Variants in POLR2C observed in about 807,000 individuals in gnomAD.
The protein encoded by POLR2C is DNA-directed RNA polymerase II subunit RPB3.
A neutral mutation model predicts 41.7 loss-of-function variants in POLR2C; 36 were observed. The observed-to-expected ratio is 0.86, with a 90% confidence interval of 0.66 to 1.14. The LOEUF is 1.14. POLR2C is among the 50% of genes most tolerant of loss of function. The probability of loss-of-function intolerance (pLI) is 0.00; values close to 1 mark genes in which losing one functional copy is unlikely to be tolerated. For missense variants in POLR2C, 260 were observed against 350.4 expected (o/e 0.74, Z 2.06); for synonymous variants, 133 against 137.8 (o/e 0.96, Z 0.25).
At chr16:57,463,503 T>A (rs2030631779) in intron 2 of POLR2C, 4 of 372,430 alleles carry the variant, frequency 1.1e-5, no homozygotes, top group South Asian at 2.0e-5. Flanking sequence ...GTGAGCATAG[T>A]ACGCAATAGG....
In POLR2C at chr16:57,471,735, T is replaced by TGGTGGGGG. The variant is rs1555515560; in HGVS notation, c.*617_*624dup. 2 of 100,324 alleles carry TGGTGGGGG rather than the reference T, an allele frequency of 2.0e-5. No individual in the cohort carries two copies. Among genetic ancestry groups the TGGTGGGGG allele is most frequent in the East Asian group, 6.2e-4 (2 of 3,244 alleles). 6.2% of individuals were successfully genotyped at this position (100,324 alleles called of 1,614,324 possible). A position where few individuals can be genotyped will look rare whatever the true frequency, so the allele number is the denominator to read the frequency against. On this transcript the variant is annotated 3_prime_UTR_variant, in exon 9 of 9. Coordinates refer to ENST00000219252, the MANE Select transcript of POLR2C (RefSeq NM_032940.3). ...CCTCCAATGACCTGATCATTTAGTT[T>TGGTGGGGG]GGTGGGGGTGGGGGTGGGGGTGGGG... is the stretch of plus-strand genomic sequence containing the variant.
Position 57,469,962 on chromosome 16 carries a change from C to G in POLR2C, c.441C>G (p.Asp147Glu), listed in dbSNP as rs777940528. The G allele has an allele frequency of 6.2e-7, 1 of 1,613,292 alleles. No individual in the cohort carries two copies. The highest frequency in any genetic ancestry group is 8.5e-7 in the Non-Finnish European group (1 of 1,179,702). Residue 147 changes from aspartate to glutamate, a missense_variant and splice_region_variant, in exon 7 of 9, where the codon GAC becomes GAG. Coordinates refer to ENST00000219252, the MANE Select transcript of POLR2C (RefSeq NM_032940.3). This position sits in a 1 kb window ranked among gnomAD's most constrained non-coding sequence, Gnocchi z 5.8. ...NDPNDYVEQDDILIVKLRKGQ... is the reference protein window; with the variant it reads ...NDPNDYVEQDEILIVKLRKGQ... ...ACTGACTTGTGCCTCTCCCTGCAGACATCCTCATCGTCAAGTTGAGAAAGG... is the reference window on the plus strand; with the variant it reads ...ACTGACTTGTGCCTCTCCCTGCAGAGATCCTCATCGTCAAGTTGAGAAAGG...
In POLR2C at chr16:57,471,502, G is replaced by A. The variant is rs748735227; in HGVS notation, c.*383G>A. On this transcript the variant is annotated 3_prime_UTR_variant, in exon 9 of 9. Transcript: ENST00000219252. ...TTCAGTTGTACCTTAGATGTCTGGT[G>A]TTGAGGATCAAGTGCCATAGCCTTT... The A allele has an allele frequency of 1.3e-4, 22 of 173,506 alleles. No homozygotes were observed. The highest frequency in any genetic ancestry group is 1.8e-4 in the Non-Finnish European group (15 of 81,292). The allele number at this position is 173,506 out of a possible 1,614,324, so 10.7% of individuals were successfully genotyped here. A position where few individuals can be genotyped will look rare whatever the true frequency, so the allele number is the denominator to read the frequency against.
chr16:57,469,689 T>A lies in POLR2C; in HGVS notation c.388-21T>A. 6.2e-7 allele frequency: 1 copy of A among 1,605,828 alleles called. No homozygotes were observed. Among genetic ancestry groups the A allele is most frequent in the Non-Finnish European group, 8.5e-7 (1 of 1,174,344 alleles). ...ACTGGGGAGGTGAGCAGCTAATGAA[T>A]GCCTGGTGGACTCCCTACAGGTGAC... On this transcript the variant is annotated intron_variant, in intron 5 of 8. Transcript: ENST00000219252. The surrounding 1 kb of genome is among the most constrained non-coding windows in gnomAD (Gnocchi z 5.8).
intron 7 of POLR2C, 56 bp from the exon 8 acceptor site, chr16:57,470,224 T>C: frequency 6.3e-7 from 1 of 1,598,516 alleles, no homozygotes; most frequent in East Asian, 2.2e-5. Flanking sequence ...CTCTAGGAAC[T>C]TGGGTGCCCC....
chr16:57,466,340 A>G (rs557468857), intron 4 of POLR2C, 113 bp downstream of exon 4: 9 of 738,360 alleles, frequency 1.2e-5, no homozygotes, highest in East Asian at 5.0e-5. Context: ...TTCTGGAACA[A>G]CAACGTGGAG....
chr16:57,470,546 A>T, intron 8 of POLR2C, 192 bp downstream of exon 8: 1 of 575,810 alleles, frequency 1.7e-6, no homozygotes, highest in Admixed American at 3.3e-5. Context: ...TTGGTCACTG[A>T]CAAAGAGGAC....
Position 57,469,216 on chromosome 16 carries a change from G to A in POLR2C, c.310G>A (p.Asp104Asn), listed in dbSNP as rs372880687. ...CGAGTGCTCGGTGGAGTTCACCCTC[G>A]ATGTGCGGTGCAATGAAGACCAGAC... The part of the protein sequence containing the change: ...CPECSVEFTL[D>N]VRCNEDQTRH... The change falls in exon 5 of 9, where the codon GAT (aspartate) becomes AAT (asparagine). Residue 104 changes from aspartate (D) to asparagine (N), a missense_variant. By Grantham distance (23) the Asp-to-Asn change is conservative. Coordinates refer to ENST00000219252, the MANE Select transcript of POLR2C (RefSeq NM_032940.3). This position sits in a 1 kb window ranked among gnomAD's most constrained non-coding sequence, Gnocchi z 5.8. 11 of 1,613,986 alleles carry A rather than the reference G, an allele frequency of 6.8e-6. No individual in the cohort carries two copies. The highest frequency in any genetic ancestry group is 4.0e-5 in the African/African-American group (3 of 74,912).
At chr16:57,464,548 G>A (rs1371896405) in intron 2 of POLR2C, among the ~76,000 whole-genome samples, 2 of 152,168 alleles carry the variant, frequency 1.3e-5, no homozygotes, top group African/African-American at 4.8e-5. Context: ...TTTGGATTAG[G>A]CAAAATAAAT....
intron 2 of POLR2C, among the ~76,000 whole-genome samples, chr16:57,464,274 G>A (rs2030651754): frequency 1.3e-5 from 2 of 152,218 alleles, no homozygotes; most frequent in South Asian, 4.1e-4. Flanking sequence ...TAAGCTCTGG[G>A]AATGCAAAGC....
In POLR2C at chr16:57,470,236, A is replaced by T. The variant is rs763944969; in HGVS notation, c.609-44A>T. 3 of 1,599,938 alleles carry T rather than the reference A, an allele frequency of 1.9e-6. No homozygotes were observed. The South Asian group carries it at 3.3e-5, about 18-fold the overall frequency. ...GCTCTCTAGGAACTTGGGTGCCCCAAAAGGAGCAGTGGCAACCTTGTGCTG... is the reference window on the plus strand; with the variant it reads ...GCTCTCTAGGAACTTGGGTGCCCCATAAGGAGCAGTGGCAACCTTGTGCTG... On this transcript the variant is annotated intron_variant, in intron 7 of 8. Transcript: ENST00000219252.
In POLR2C at chr16:57,469,468, C is replaced by A; in HGVS notation, c.387+175C>A. ...GATTCCTCTTGGGCATCGTTAGCAT[C>A]GTTGGTGCTGCGCACCCTCTATCAC... On this transcript the variant is annotated intron_variant, in intron 5 of 8. Transcript: ENST00000219252. The surrounding 1 kb of genome is among the most constrained non-coding windows in gnomAD (Gnocchi z 5.8). 1.3e-6 allele frequency: 1 copy of A among 779,836 alleles called. No individual in the cohort carries two copies. The highest frequency in any genetic ancestry group is 2.2e-6 in the Non-Finnish European group (1 of 461,790). 48.3% of individuals were successfully genotyped at this position (779,836 alleles called of 1,614,324 possible).
In POLR2C at chr16:57,466,032, C is replaced by T. The variant is rs1555515205; in HGVS notation, c.205+11C>T. ...TTGCTCACAGGCTTGGTGAGTACTC[C>T]TTTTACTAGGAGGTTAAAGGGAGGG... On this transcript the variant is annotated intron_variant, in intron 3 of 8. Transcript: ENST00000219252. 2.6e-6 allele frequency: 4 copies of T among 1,559,378 alleles called. No individual in the cohort carries two copies. The highest frequency in any genetic ancestry group is 1.7e-4 in the Middle Eastern group (1 of 5,972).
At chr16:57,468,998 G>T (rs1425684712) in intron 4 of POLR2C, among the ~76,000 whole-genome samples, 167 bp from the exon 5 acceptor site, 1 of 152,196 alleles carries the variant, frequency 6.6e-6, no homozygotes, top group African/African-American at 2.4e-5. Context: ...CATGAGAATG[G>T]TATACCAGAT....
In POLR2C at chr16:57,469,889, T is replaced by C. The variant is rs1473215993; in HGVS notation, c.440-72T>C. ...TTTCCAGATGTGTGTGGTCTTGCAG[T>C]GGCACTCCAAGTCAGAATTTGGAGA... On this transcript the variant is annotated intron_variant, in intron 6 of 8. Coordinates refer to ENST00000219252, the MANE Select transcript of POLR2C (RefSeq NM_032940.3). The surrounding 1 kb of genome is among the most constrained non-coding windows in gnomAD (Gnocchi z 5.8). 2 of 1,592,460 alleles carry C rather than the reference T, an allele frequency of 1.3e-6. No homozygotes were observed. The highest frequency in any genetic ancestry group is 2.7e-5 in the African/African-American group (2 of 74,148).
At chr16:57,470,914 GGCCAGA>G (rs540453606) in intron 8 of POLR2C, 55 bp from the exon 9 acceptor site, 519 of 1,564,168 alleles carry the variant, frequency 3.3e-4, no homozygotes, top group Admixed American at 1.0e-3. Context: ...GGTTGTCCAT[GGCCAGA>G]GCTCGGGTCG....
rs1312823945 is a variant in POLR2C, at chr16:57,469,629, C to T, written c.388-81C>T. The T allele has an allele frequency of 8.4e-6, 10 of 1,184,922 alleles. No homozygotes were observed. In the East Asian group the frequency reaches 2.3e-4, roughly 28 times the overall value. 73.4% of individuals were successfully genotyped at this position (1,184,922 alleles called of 1,614,324 possible). ...CGTTCCCTGGTTGACAGATTGCAGT[C>T]TAGAGGTGCTGGGATATGGATGCCA... On this transcript the variant is annotated intron_variant, in intron 5 of 8. Coordinates refer to ENST00000219252, the MANE Select transcript of POLR2C (RefSeq NM_032940.3). The surrounding 1 kb of genome is among the most constrained non-coding windows in gnomAD (Gnocchi z 5.8).
chr16:57,463,246 C>A (rs1567582765), intron 2 of POLR2C, 168 bp downstream of exon 2: 2 of 667,078 alleles, frequency 3.0e-6, no homozygotes, highest in Non-Finnish European at 2.7e-6. Flanking sequence ...GGCTCAGTGG[C>A]CGCCTCCCTG....
At chr16:57,462,981 C>G (rs1443073409) in intron 1 of POLR2C, 48 bp from the exon 2 acceptor site, 1 of 1,557,580 alleles carries the variant, frequency 6.4e-7, no homozygotes, top group East Asian at 2.2e-5. Context: ...CGGGCCCAGC[C>G]TGTCGAGGCT....
Sources: gnomAD v4.1 joint callset for allele counts (sites outside exome capture counted in the v4.1 genomes callset) on GRCh38, gnomAD v4.1.1 for gene constraint, Gnocchi (gnomAD v3.1) non-coding constraint, MANE v1.5 for transcripts, NCBI Gene and HGNC (gene_info 2026-07-23, HGNC 2026-07-21) for gene names.